STPG2: variants seen among roughly 807,000 people sequenced by gnomAD.
The protein encoded by STPG2 is sperm tail PG-rich repeat containing 2.
A neutral mutation model predicts 54.2 loss-of-function variants in STPG2; 56 were observed. The observed-to-expected ratio is 1.03, with a 90% CI of 0.83 to 1.29. The LOEUF is 1.29. STPG2 is among the 50% of genes most tolerant of loss of function. The probability of loss-of-function intolerance (pLI) is 0.00; values close to 1 mark genes in which losing one functional copy is unlikely to be tolerated. For synonymous variants in STPG2, 200 were observed against 181.8 expected (o/e 1.10, Z -0.81); for missense variants, 596 against 544.9 (o/e 1.09, Z -0.93).
intron 5 of STPG2, among the ~76,000 whole-genome samples, chr4:98,060,605 C>T (rs774798443): frequency 6.6e-6 from 1 of 152,076 alleles, no homozygotes; most frequent in Non-Finnish European, 1.5e-5. Flanking sequence ...CCCGAATAGC[C>T]AAGGCAATCC....
intron 4 of STPG2, among the ~76,000 whole-genome samples, chr4:97,526,723 T>C (rs1466023873): frequency 1.3e-5 from 2 of 152,158 alleles, no homozygotes; most frequent in African/African-American, 2.4e-5. Context: ...CCATTGCTTT[T>C]GGTGTTTTAG....
intron 4 of STPG2, chr4:97,441,681 A>C (rs546375091): frequency 6.6e-6 from 1 of 151,966 alleles, no homozygotes; most frequent in Admixed American, 6.5e-5. Flanking sequence ...TTTTTTTCTA[A>C]CCAAATTAAC....
chr4:97,873,015 T>G (rs990384649), intron 8 of STPG2, among the ~76,000 whole-genome samples: 3 of 151,376 alleles, frequency 2.0e-5, no homozygotes, highest in African/African-American at 7.3e-5. Context: ...AAGAACTAGG[T>G]ATGTTCATTG....
At chr4:97,798,114 T>G (rs1727262023) in intron 9 of STPG2, among the ~76,000 whole-genome samples, 2 of 152,210 alleles carry the variant, frequency 1.3e-5, no homozygotes, top group African/African-American at 4.8e-5. Context: ...TCAATTTTCT[T>G]GATCTTTTCA....
chr4:97,905,971 G>C (rs528439567), intron 8 of STPG2, among the ~76,000 whole-genome samples: 1 of 152,072 alleles, frequency 6.6e-6, no homozygotes, highest in East Asian at 1.9e-4. Context: ...AAAAGCAAGA[G>C]CAAACACATT....
intron 10 of STPG2, among the ~76,000 whole-genome samples, chr4:97,702,242 C>A (rs904705192): frequency 6.6e-6 from 1 of 152,142 alleles, no homozygotes; most frequent in Non-Finnish European, 1.5e-5. Context: ...TTTTTAACTC[C>A]CTGAGCTGCA....
At chr4:97,951,035 C>T (rs909028563) in intron 7 of STPG2, among the ~76,000 whole-genome samples, 7 of 152,146 alleles carry the variant, frequency 4.6e-5, no homozygotes, top group African/African-American at 1.7e-4. Flanking sequence ...TCAGCTGGCA[C>T]CATCCAGATC....
chr4:97,449,277 A>T (rs189611385), intron 4 of STPG2, among the ~76,000 whole-genome samples: 100 of 152,254 alleles, frequency 6.6e-4, no homozygotes, highest in Non-Finnish European at 1.0e-3. Context: ...GCTTCCAATG[A>T]AAGCAGATAT....
At chr4:97,779,119 C>T (rs934341186) in intron 9 of STPG2, among the ~76,000 whole-genome samples, 8 of 152,162 alleles carry the variant, frequency 5.3e-5, no homozygotes, top group South Asian at 2.1e-4. Context: ...AGTCTTCAGA[C>T]GATCAAACTT....
intron 9 of STPG2, among the ~76,000 whole-genome samples, chr4:97,827,744 T>C (rs1349186647): frequency 6.6e-6 from 1 of 152,188 alleles, no homozygotes; most frequent in Non-Finnish European, 1.5e-5. Context: ...TACCAAGGCT[T>C]TGACTGGAAT....
chr4:97,523,424 T>C (rs1374783848), intron 4 of STPG2, among the ~76,000 whole-genome samples: 1 of 152,012 alleles, frequency 6.6e-6, no homozygotes, highest in East Asian at 1.9e-4. Flanking sequence ...TCAATAAATA[T>C]GAGTTCTCTT....
intron 8 of STPG2, among the ~76,000 whole-genome samples, chr4:97,917,698 G>A (rs1400120647): frequency 6.6e-6 from 1 of 152,058 alleles, no homozygotes; most frequent in South Asian, 2.1e-4. Flanking sequence ...TAACCTCAAA[G>A]AGCTGTTAAT....
chr4:97,648,841 A>G (rs957691517), intron 10 of STPG2, among the ~76,000 whole-genome samples: 2 of 152,170 alleles, frequency 1.3e-5, no homozygotes, highest in African/African-American at 4.8e-5. Context: ...AATACAATGT[A>G]TTATACTGTC....
At chr4:98,080,174 C>T (rs34135615) in intron 5 of STPG2, among the ~76,000 whole-genome samples, 60,176 of 151,802 alleles carry the variant, frequency 0.4, 12,155 homozygotes, top group Middle Eastern at 0.48. Flanking sequence ...AAGAAAATTA[C>T]GTAAAAATTG....
intron 8 of STPG2, among the ~76,000 whole-genome samples, chr4:97,895,370 A>G (rs1294418615): frequency 1.3e-5 from 2 of 151,926 alleles, no homozygotes; most frequent in Admixed American, 6.6e-5. Context: ...AGTCTAATTT[A>G]TTGCAAAGTA....
At chr4:97,990,640 A>G (rs954221788) in intron 5 of STPG2, among the ~76,000 whole-genome samples, 1 of 152,200 alleles carries the variant, frequency 6.6e-6, no homozygotes, top group Non-Finnish European at 1.5e-5. Context: ...AAAATGAATC[A>G]CTACCATAGC....
intron 10 of STPG2, among the ~76,000 whole-genome samples, chr4:97,610,181 G>A (rs533533606): frequency 5.9e-5 from 9 of 152,054 alleles, no homozygotes; most frequent in Non-Finnish European, 1.3e-4. Flanking sequence ...ATTAGGATGA[G>A]TGGCCAGGCA....
chr4:97,920,483 C>A (rs1358255963), intron 8 of STPG2, among the ~76,000 whole-genome samples: 1 of 152,078 alleles, frequency 6.6e-6, no homozygotes, highest in South Asian at 2.1e-4. Context: ...TCACAATTAA[C>A]AAGTGGAAAT....
chr4:97,571,323 T>C (rs1451433733), intron 10 of STPG2, among the ~76,000 whole-genome samples: 1 of 152,084 alleles, frequency 6.6e-6, no homozygotes, highest in Non-Finnish European at 1.5e-5. Flanking sequence ...ACCATCTGAA[T>C]GCAGCACCTG....
Sources: gnomAD v4.1 joint callset for allele counts (sites outside exome capture counted in the v4.1 genomes callset) on GRCh38, gnomAD v4.1.1 for gene constraint, MANE v1.5 for transcripts, NCBI Gene and HGNC (gene_info 2026-07-23, HGNC 2026-07-21) for gene names.